RPL31: variants seen among roughly 807,000 people sequenced by gnomAD.
The protein encoded by RPL31 is ribosomal protein L31.
For missense variants in RPL31, 95 were observed against 164.0 expected, an observed-to-expected ratio of 0.58 and a Z score of 2.30; for synonymous variants, 51 against 55.0, an observed-to-expected ratio of 0.93 and a Z score of 0.32.
At position 101,006,884 on chromosome 2, in the gene RPL31, A is replaced by ATAT. The variant is rs1678764549; in HGVS notation, c.*505_*507dup. 6.6e-6 allele frequency: 1 copy of ATAT among 152,518 alleles called. No individual in the cohort carries two copies. Among genetic ancestry groups the ATAT allele is most frequent in the African/African-American group, 2.4e-5 (1 of 41,460 alleles). The allele number at this position is 152,518 out of a possible 1,614,324, so 9.4% of individuals were successfully genotyped here. A position where few individuals can be genotyped will look rare whatever the true frequency, so the allele number is the denominator to read the frequency against. On this transcript the variant is annotated 3_prime_UTR_variant, in exon 5 of 5. Coordinates refer to ENST00000264258, the MANE Select transcript of RPL31 (RefSeq NM_000993.5). ...GATTTTTGGTGAGATAACCAGATTC[A>ATAT]TATTTTAAGCCTTTTGTAATGGCCC...
downstream of RPL31, among the ~76,000 whole-genome samples, chr2:101,007,445 TCTCCCATTGTCA>T (rs1420367662): frequency 2.0e-5 from 3 of 152,178 alleles, no homozygotes; most frequent in Non-Finnish European, 4.4e-5. Flanking sequence ...ATTCCTGACC[TCTCCCATTGTCA>T]CTCCAAGTGA....
chr2:101,005,064 T>TA, intron 3 of RPL31: 1 of 152,308 alleles, frequency 6.6e-6, no homozygotes, highest in South Asian at 2.1e-4. Flanking sequence ...ACCTAGCTCT[T>TA]CTGTGGGTGG....
At chr2:101,011,226 C>A, downstream of RPL31, 1 of 686,446 alleles carries the variant, frequency 1.5e-6, no homozygotes, top group Non-Finnish European at 2.4e-6. Flanking sequence ...ACCCGTGAAA[C>A]AGCAAACAGG....
At position 101,006,403 on chromosome 2, in the gene RPL31, A is replaced by G. The variant is rs1678739265; in HGVS notation, c.*22A>G. 2.5e-6 allele frequency: 4 copies of G among 1,606,634 alleles called. No individual in the cohort carries two copies. Among genetic ancestry groups the G allele is most frequent in the Non-Finnish European group, 3.4e-6 (4 of 1,177,750 alleles). On this transcript the variant is annotated 3_prime_UTR_variant, in exon 5 of 5. Coordinates refer to ENST00000264258, the MANE Select transcript of RPL31 (RefSeq NM_000993.5). ...CTAATCGCTGATCGTCAGATCAAAT[A>G]AAGTTATAAAATTGCCTTCATGTTT...
intron 2 of RPL31, 45 bp downstream of exon 2, chr2:101,002,853 GGTT>G (rs1558957207): frequency 7.0e-7 from 1 of 1,431,994 alleles, no homozygotes; most frequent in East Asian, 2.3e-5. Context: ...TCACGCGTCT[GGTT>G]GTTACCGAGA....
downstream of RPL31, chr2:101,011,142 A>G (rs1014422713): frequency 4.0e-6 from 4 of 1,003,364 alleles, no homozygotes; most frequent in African/African-American, 6.5e-5. Flanking sequence ...AGCAAATTCC[A>G]TACAAAACTG....
At chr2:101,007,686 A>G (rs1678830296), downstream of RPL31, 1 of 886,448 alleles carries the variant, frequency 1.1e-6, no homozygotes, top group Non-Finnish European at 1.7e-6. Context: ...CCCTGGCCAC[A>G]GTTTGTCAGG....
intron 4 of RPL31, among the ~76,000 whole-genome samples, chr2:101,013,782 CAT>C (rs1401101553): frequency 6.6e-6 from 1 of 152,260 alleles, no homozygotes; most frequent in African/African-American, 2.4e-5. Context: ...GTAGAATTCA[CAT>C]ATGGCTTTGA....
At chr2:101,007,764 A>G (rs186621310), downstream of RPL31, 12 of 1,542,344 alleles carry the variant, frequency 7.8e-6, no homozygotes, top group African/African-American at 1.5e-4. Context: ...CCCAAGAAAC[A>G]GTCTGGTTCG....
intron 3 of RPL31, 33 bp from the exon 4 acceptor site, chr2:101,005,926 T>C (rs780449570): frequency 4.5e-5 from 71 of 1,582,452 alleles, no homozygotes; most frequent in Non-Finnish European, 6.0e-5. Flanking sequence ...AAAGGAGGCA[T>C]TGACTTCAGC....
chr2:101,009,196 AT>A (rs1678986045), downstream of RPL31, among the ~76,000 whole-genome samples: 2 of 151,904 alleles, frequency 1.3e-5, no homozygotes, highest in African/African-American at 4.8e-5. Context: ...GATTGAGACC[AT>A]CCTGGCTAAC....
At chr2:101,004,523 A>C (rs1346832035) in intron 3 of RPL31, 2 of 480,912 alleles carry the variant, frequency 4.2e-6, no homozygotes, top group Non-Finnish European at 7.3e-6. Flanking sequence ...AGAGCATTGC[A>C]GAGAGAGGAA....
chr2:101,009,452 A>ATATTTAT (rs1051127938), downstream of RPL31, among the ~76,000 whole-genome samples: 15 of 151,966 alleles, frequency 9.9e-5, no homozygotes, highest in African/African-American at 3.6e-4. Context: ...AATATAACAA[A>ATATTTAT]TATTTATTTG....
intron 4 of RPL31, among the ~76,000 whole-genome samples, chr2:101,017,025 T>C (rs953115748): frequency 2.6e-5 from 4 of 151,190 alleles, no homozygotes; most frequent in African/African-American, 9.8e-5. Flanking sequence ...TGTATACATA[T>C]GTAACTAACC....
chr2:101,004,395 A>T (rs373725401), intron 3 of RPL31, 112 bp downstream of exon 3: 9 of 186,136 alleles, frequency 4.8e-5, no homozygotes, highest in African/African-American at 4.9e-5. Flanking sequence ...GTGGAAGTAT[A>T]AAAAAAAAAA....
intron 3 of RPL31, chr2:101,005,261 G>A (rs1446327248): frequency 6.6e-6 from 1 of 152,416 alleles, no homozygotes; most frequent in Non-Finnish European, 1.5e-5. Context: ...CAAGGGGATT[G>A]CATGTGGAAG....
intron 4 of RPL31, among the ~76,000 whole-genome samples, chr2:101,013,361 C>A (rs1679375344): frequency 6.6e-6 from 1 of 152,170 alleles, no homozygotes; most frequent in South Asian, 2.1e-4. Context: ...TCCTTTCAAT[C>A]TTTTTACATG....
At chr2:101,011,460 T>C (rs1679207428), downstream of RPL31, 1 of 1,613,868 alleles carries the variant, frequency 6.2e-7, no homozygotes, top group African/African-American at 1.3e-5. Context: ...CCATTGGGTT[T>C]CCCGAAAACC....
chr2:101,013,097 A>C (rs942529797), intron 4 of RPL31, among the ~76,000 whole-genome samples: 1 of 152,216 alleles, frequency 6.6e-6, no homozygotes, highest in Admixed American at 6.5e-5. Flanking sequence ...GAAAGGCAGC[A>C]ATTAATCCAG....
Sources: allele counts gnomAD v4.1 joint callset (sites outside exome capture counted in the v4.1 genomes callset), GRCh38; gene constraint gnomAD v4.1.1; transcripts MANE v1.5; gene names NCBI Gene and HGNC (gene_info 2026-07-23, HGNC 2026-07-21).